Variants in TOR4A observed in about 807,000 individuals in gnomAD.
The protein encoded by TOR4A is torsin family 4 member A, also known as torsin-4A.
Under a neutral mutation model 11.5 loss-of-function variants are expected in TOR4A, and 12 were observed. That is an observed-to-expected ratio of 1.04 (90% CI 0.67 to 1.69). The LOEUF (loss-of-function observed/expected upper bound fraction) is 1.69. Among genes scored for constraint, TOR4A ranks in the 40% most tolerant of loss-of-function variants. The pLI, the probability that TOR4A is intolerant of heterozygous loss-of-function variation, is 0.00. For missense variants in TOR4A, 640 were observed against 643.2 expected, an observed-to-expected ratio of 0.99 and a Z score of 0.05; for synonymous variants, 362 against 307.4, an observed-to-expected ratio of 1.18 and a Z score of -1.86.
chr9:137,281,418 G>A lies in TOR4A; in HGVS notation c.*1457G>A, dbSNP rs1268997867. 6.3e-6 allele frequency: 1 copy of A among 158,098 alleles called. No homozygotes were observed. The highest frequency in any genetic ancestry group is 2.4e-5 in the African/African-American group (1 of 41,470). The allele number at this position is 158,098 out of a possible 1,614,324, so 9.8% of individuals were successfully genotyped here. A position where few individuals can be genotyped will look rare whatever the true frequency, so the allele number is the denominator to read the frequency against. ...CCCGGAGGGGCCCCGCTAGTTCCCTGAGCAGAGGTCCTGCGGCTTCCCGGA... is the reference window on the plus strand; with the variant it reads ...CCCGGAGGGGCCCCGCTAGTTCCCTAAGCAGAGGTCCTGCGGCTTCCCGGA... On this transcript the variant is annotated 3_prime_UTR_variant, in exon 2 of 2. Transcript: ENST00000357503.
chr9:137,279,593 G>T lies in TOR4A; in HGVS notation c.904G>T (p.Ala302Ser), dbSNP rs761755058. 6.4e-7 allele frequency: 1 copy of T among 1,569,032 alleles called. No individual in the cohort carries two copies. The highest frequency in any genetic ancestry group is 8.6e-7 in the Non-Finnish European group (1 of 1,161,150). Residue 302 changes from alanine to serine, a missense_variant, in exon 2 of 2, where the codon GCG becomes TCG. By Grantham distance (99) the Ala-to-Ser change is moderately conservative (BLOSUM62 1). Transcript: ENST00000357503. ...CGCCATCTACGTGCTCCTCAGTGGC[G>T]CGGGTGGCGCCGAGGTCACGCGCTT... ...HNAIYVLLSG[A>S]GGAEVTRFVL... is the part of the protein sequence containing the mutation.
At position 137,281,386 on chromosome 9, in the gene TOR4A, C is replaced by A. The variant is rs963358676; in HGVS notation, c.*1425C>A. 1 of 155,570 alleles carries A rather than the reference C, an allele frequency of 6.4e-6. No individual in the cohort carries two copies. The highest frequency in any genetic ancestry group is 2.4e-5 in the African/African-American group (1 of 41,464). The allele number at this position is 155,570 out of a possible 1,614,324, so 9.6% of individuals were successfully genotyped here. On this transcript the variant is annotated 3_prime_UTR_variant, in exon 2 of 2. Transcript: ENST00000357503. ...GCCCGGAGACCGCGCCCACCAGCGCCGGTGTCCCCGGAGGGGCCCCGCTAG... is the reference window on the plus strand; with the variant it reads ...GCCCGGAGACCGCGCCCACCAGCGCAGGTGTCCCCGGAGGGGCCCCGCTAG...
rs1338859006 is a variant in TOR4A, at chr9:137,279,565, C to T, written c.876C>T (p.His292=). Reference sequence around the variant, plus strand: ...AGCCGCAGCGCTCCCACCACTTCCACAACGCCATCTACGTGCTCCTCAGTG... The same window carrying T: ...AGCCGCAGCGCTCCCACCACTTCCATAACGCCATCTACGTGCTCCTCAGTG... ...FLQPQRSHHF[H]NAIYVLLSGA... The change falls in exon 2 of 2, where the codon CAC becomes CAT. Residue 292 remains histidine (H), a synonymous_variant. Coordinates refer to ENST00000357503, the MANE Select transcript of TOR4A (RefSeq NM_017723.3). 1 of 1,583,282 alleles carries T rather than the reference C, an allele frequency of 6.3e-7. No individual in the cohort carries two copies. The highest frequency in any genetic ancestry group is 1.1e-5 in the South Asian group (1 of 89,370).
At position 137,282,445 on chromosome 9, in the gene TOR4A, C is replaced by T. The variant is rs1390596181; in HGVS notation, c.*2484C>T. The T allele has an allele frequency of 6.1e-6, 1 of 164,038 alleles. No homozygotes were observed. The highest frequency in any genetic ancestry group is 1.5e-5 in the Non-Finnish European group (1 of 68,114). The allele number at this position is 164,038 out of a possible 1,614,324, so 10.2% of individuals were successfully genotyped here. On this transcript the variant is annotated 3_prime_UTR_variant, in exon 2 of 2. Transcript: ENST00000357503. Reference sequence around the variant, plus strand: ...CACGAACTCCTGACCTCGTGATCCGCCCACCTCGGCCTCCCAAAGTGCTGG... The same window carrying T: ...CACGAACTCCTGACCTCGTGATCCGTCCACCTCGGCCTCCCAAAGTGCTGG...
At position 137,280,070 on chromosome 9, in the gene TOR4A, C is replaced by T. The variant is rs1185053366; in HGVS notation, c.*109C>T. 1.3e-5 allele frequency: 16 copies of T among 1,249,386 alleles called. No individual in the cohort carries two copies. In the East Asian group the frequency reaches 2.8e-4, roughly 22 times the overall value. The allele number at this position is 1,249,386 out of a possible 1,614,324, so 77.4% of individuals were successfully genotyped here. A position where few individuals can be genotyped will look rare whatever the true frequency, so the allele number is the denominator to read the frequency against. On this transcript the variant is annotated 3_prime_UTR_variant, in exon 2 of 2. Transcript: ENST00000357503. Reference sequence around the variant, plus strand: ...GGTTTCTAGTGAATTTGTGGCTGCCCGGCTGGTGGGTGCGGATCAGCTTGG... The same window carrying T: ...GGTTTCTAGTGAATTTGTGGCTGCCTGGCTGGTGGGTGCGGATCAGCTTGG...
Position 137,280,152 on chromosome 9 carries a change from G to T in TOR4A, c.*191G>T, listed in dbSNP as rs1011117542. The T allele has an allele frequency of 3.0e-6, 2 of 670,470 alleles. No individual in the cohort carries two copies. The highest frequency in any genetic ancestry group is 5.1e-6 in the Non-Finnish European group (2 of 393,714). The allele number at this position is 670,470 out of a possible 1,614,324, so 41.5% of individuals were successfully genotyped here. ...AGTCCGGAGTCTGTCCCTGGGGGCG[G>T]CAGGACAGCAGCCACCTCCCTCCCA... On this transcript the variant is annotated 3_prime_UTR_variant, in exon 2 of 2. Transcript: ENST00000357503.
rs781567823 is a variant in TOR4A at position 137,279,718 on chromosome 9, C to T, written c.1029C>T (p.Ser343=). ...AGGCGGAAGAAGACCTGCGCGCCAG[C>T]CTGCTGGCTGTGCTGTCCCGGGAGC... The part of the protein sequence containing the change: ...AAQAEEDLRA[S]LLAVLSREHP... Residue 343 remains serine (S), a synonymous_variant, in exon 2 of 2, where the codon AGC becomes AGT. Transcript: ENST00000357503. 1.9e-6 allele frequency: 3 copies of T among 1,575,064 alleles called. No individual in the cohort carries two copies. The highest frequency in any genetic ancestry group is 2.6e-6 in the Non-Finnish European group (3 of 1,167,124).
At position 137,279,966 on chromosome 9, in the gene TOR4A, G is replaced by A. The variant is rs1368606976; in HGVS notation, c.*5G>A. On this transcript the variant is annotated 3_prime_UTR_variant, in exon 2 of 2. Coordinates refer to ENST00000357503, the MANE Select transcript of TOR4A (RefSeq NM_017723.3). ...GCCACGGTGAACCTCCTGTAGTGGA[G>A]GCGCAGGACGGGACGTTTGGGTTGA... 2 of 1,565,514 alleles carry A rather than the reference G, an allele frequency of 1.3e-6. No individual in the cohort carries two copies. Among genetic ancestry groups the A allele is most frequent in the African/African-American group, 1.4e-5 (1 of 73,964 alleles).
Position 137,281,745 on chromosome 9 carries a change from A to C in TOR4A, c.*1784A>C. 1 of 160,826 alleles carries C rather than the reference A, an allele frequency of 6.2e-6. No individual in the cohort carries two copies. 10.0% of individuals were successfully genotyped at this position (160,826 alleles called of 1,614,324 possible). A position where few individuals can be genotyped will look rare whatever the true frequency, so the allele number is the denominator to read the frequency against. ...GGGTGGGGGTGGGGGCTACCAGGAA[A>C]CCTTTGCCTCCTGGGGCTGTGCAGG... On this transcript the variant is annotated 3_prime_UTR_variant, in exon 2 of 2. Coordinates refer to ENST00000357503, the MANE Select transcript of TOR4A (RefSeq NM_017723.3).
In TOR4A at chr9:137,281,682, G is replaced by C. The variant is rs1432156570; in HGVS notation, c.*1721G>C. The C allele has an allele frequency of 6.3e-6, 1 of 158,104 alleles. No homozygotes were observed. Among genetic ancestry groups the C allele is most frequent in the African/African-American group, 2.4e-5 (1 of 41,366 alleles). 9.8% of individuals were successfully genotyped at this position (158,104 alleles called of 1,614,324 possible). On this transcript the variant is annotated 3_prime_UTR_variant, in exon 2 of 2. Transcript: ENST00000357503. ...TGCCCAGAGGGTCCTGAGGACTCCC[G>C]CTGCTCCTGGAGTCTTGGGGAGGGG...
Position 137,279,604 on chromosome 9 carries a change from C to T in TOR4A, c.915C>T (p.Ala305=), listed in dbSNP as rs1023643217. 2.6e-6 allele frequency: 4 copies of T among 1,565,798 alleles called. No homozygotes were observed. The highest frequency in any genetic ancestry group is 2.3e-5 in the East Asian group (1 of 43,242). ...TGCTCCTCAGTGGCGCGGGTGGCGC[C>T]GAGGTCACGCGCTTCGTGCTGCAGA... The part of the protein sequence containing the change: ...IYVLLSGAGG[A]EVTRFVLQNA... Residue 305 remains alanine, a synonymous_variant, in exon 2 of 2, where the codon GCC becomes GCT. Coordinates refer to ENST00000357503, the MANE Select transcript of TOR4A (RefSeq NM_017723.3).
In TOR4A at chr9:137,279,376, C is replaced by G. The variant is rs1051642633; in HGVS notation, c.687C>G (p.His229Gln). 3 of 1,523,580 alleles carry G rather than the reference C, an allele frequency of 2.0e-6. No homozygotes were observed. The highest frequency in any genetic ancestry group is 1.4e-5 in the African/African-American group (1 of 72,402). The allele number at this position is 1,523,580 out of a possible 1,614,324, so 94.4% of individuals were successfully genotyped here. ...ALVLQYHARH[H>Q]CPEARAAQDC... is the part of the protein sequence containing the mutation. ...TGCTGCAATACCATGCGCGGCACCA[C>G]TGCCCCGAGGCGCGCGCCGCACAGG... Residue 229 changes from histidine (H) to glutamine (Q), a missense_variant, in exon 2 of 2, where the codon CAC (histidine) becomes CAG (glutamine). His to Gln is a conservative substitution (Grantham distance 24). Coordinates refer to ENST00000357503, the MANE Select transcript of TOR4A (RefSeq NM_017723.3).
In TOR4A at chr9:137,279,606, A is replaced by G; in HGVS notation, c.917A>G (p.Glu306Gly). Reference protein sequence around the residue: ...YVLLSGAGGAEVTRFVLQNAS... With the variant: ...YVLLSGAGGAGVTRFVLQNAS... ...CTCCTCAGTGGCGCGGGTGGCGCCG[A>G]GGTCACGCGCTTCGTGCTGCAGAAC... is the stretch of plus-strand genomic sequence containing the variant. The change falls in exon 2 of 2, where the codon GAG becomes GGG. Residue 306 changes from glutamate (E) to glycine (G), a missense_variant. Transcript: ENST00000357503. The G allele has an allele frequency of 6.4e-7, 1 of 1,566,928 alleles. No homozygotes were observed.
At chr9:137,278,610 C>T in intron 1 of TOR4A, 43 bp from the exon 2 acceptor site, 1 of 1,189,390 alleles carries the variant, frequency 8.4e-7, no homozygotes, top group Non-Finnish European at 1.1e-6. Flanking sequence ...CGGGAAAGGG[C>T]AGTGGCGGGA....
rs1328532400 is a variant in TOR4A, at chr9:137,279,277, T to C, written c.588T>C (p.Ser196=). The C allele has an allele frequency of 6.5e-7, 1 of 1,535,128 alleles. No individual in the cohort carries two copies. Among genetic ancestry groups the C allele is most frequent in the Admixed American group, 2.0e-5 (1 of 50,894 alleles). The change falls in exon 2 of 2, where the codon AGT becomes AGC. Residue 196 remains serine, a synonymous_variant. Coordinates refer to ENST00000357503, the MANE Select transcript of TOR4A (RefSeq NM_017723.3). ...RPLLLALHGP[S]GVGKSHVGRL... ...TCCTCCTGGCGCTGCACGGGCCCAGTGGCGTGGGCAAGAGCCACGTGGGCC... is the reference window on the plus strand; with the variant it reads ...TCCTCCTGGCGCTGCACGGGCCCAGCGGCGTGGGCAAGAGCCACGTGGGCC...
chr9:137,278,908 G>A lies in TOR4A; in HGVS notation c.219G>A (p.Gln73=), dbSNP rs756010829. The change falls in exon 2 of 2, where the codon CAG becomes CAA. Residue 73 remains glutamine (Q), a synonymous_variant. Coordinates refer to ENST00000357503, the MANE Select transcript of TOR4A (RefSeq NM_017723.3). ...SPRAPRADLD[Q]PKFFTFDSPA... is the part of the protein sequence containing the mutation. ...GGGCACCGCGCGCGGACCTGGACCA[G>A]CCAAAGTTCTTCACCTTCGACAGCC... 6.3e-6 allele frequency: 10 copies of A among 1,583,416 alleles called. No homozygotes were observed. The East Asian group carries it at 9.2e-5, about 15-fold the overall frequency.
rs147554658 is a variant in TOR4A, at chr9:137,279,122, G to A, written c.433G>A (p.Ala145Thr). ...LNAIENLDDNAQRYDLDGLEK... is the reference protein window; with the variant it reads ...LNAIENLDDNTQRYDLDGLEK... ...CGCTATCGAGAACCTGGACGATAAC[G>A]CGCAGCGCTATGACCTCGACGGGCT... The change falls in exon 2 of 2, where the codon GCG (alanine) becomes ACG (threonine). Residue 145 changes from alanine to threonine, a missense_variant. Ala to Thr is a moderately conservative substitution (Grantham distance 58). Coordinates refer to ENST00000357503, the MANE Select transcript of TOR4A (RefSeq NM_017723.3). 6 of 1,590,404 alleles carry A rather than the reference G, an allele frequency of 3.8e-6. No individual in the cohort carries two copies. Among genetic ancestry groups the A allele is most frequent in the South Asian group, 2.3e-5 (2 of 87,872 alleles).
chr9:137,279,891 AC>A lies in TOR4A; in HGVS notation c.1204del (p.Arg402AlafsTer19). 6.3e-7 allele frequency: 1 copy of A among 1,580,132 alleles called. No individual in the cohort carries two copies. The highest frequency in any genetic ancestry group is 8.6e-7 in the Non-Finnish European group (1 of 1,165,784). On this transcript the variant is annotated frameshift_variant, in exon 2 of 2. Coordinates refer to ENST00000357503, the MANE Select transcript of TOR4A (RefSeq NM_017723.3). LOFTEE classifies it high-confidence loss of function. ...AENLAAQLSFYRVAGREFAVT... is the reference protein window; with the variant it reads ...AENLAAQLSFXRVAGREFAVT... ...AACCTGGCCGCGCAGCTCAGCTTCT[AC>A]CGCGTGGCTGGCCGCGAGTTTGCCG...
Position 137,279,678 on chromosome 9 carries a change from A to T in TOR4A, c.989A>T (p.Glu330Val), listed in dbSNP as rs1830692164. Residue 330 changes from glutamate (E) to valine (V), a missense_variant, in exon 2 of 2, where the codon GAG (glutamate) becomes GTG (valine). Glu to Val is a moderately radical substitution (Grantham distance 121). Transcript: ENST00000357503. Reference protein sequence around the residue: ...PLRPDGFRSAEAAAAQAEEDL... With the variant: ...PLRPDGFRSAVAAAAQAEEDL... ...CGCCCCGACGGCTTCCGCAGTGCCG[A>T]GGCCGCAGCGGCGCAGGCGGAAGAA... The T allele has an allele frequency of 6.4e-6, 10 of 1,567,420 alleles. No individual in the cohort carries two copies. Among genetic ancestry groups the T allele is most frequent in the Middle Eastern group, 1.7e-4 (1 of 6,002 alleles).
Sources: gnomAD v4.1 joint callset for allele counts on GRCh38, gnomAD v4.1.1 for gene constraint, MANE v1.5 for transcripts, NCBI Gene and HGNC (gene_info 2026-07-23, HGNC 2026-07-21) for gene names.